The following STARD13 variants were observed in gnomAD, a reference collection of about 807,000 sequenced individuals.
STARD13 encodes StAR related lipid transfer domain containing 13.
Under a neutral mutation model 106.4 loss-of-function variants are expected in STARD13, and 62 were observed. That is an observed-to-expected ratio of 0.58 (90% CI 0.48 to 0.72). The LOEUF is 0.72. Ranked by LOEUF, STARD13 falls within the 30% of genes least tolerant of loss-of-function variation. STARD13 has a pLI of 0.00. For synonymous variants in STARD13, 565 were observed against 553.0 expected (o/e 1.02, Z -0.31); for missense variants, 1,387 against 1,424.0 (o/e 0.97, Z 0.42).
chr13:33,565,903 C>T, the STARD13 span, among the ~76,000 whole-genome samples: 2 of 148,524 alleles, frequency 1.3e-5, 1 homozygote, highest in Non-Finnish European at 3.0e-5. Flanking sequence ...TTACTTTCTC[C>T]TTTATGCTTT....
chr13:33,459,136 C>A, the STARD13 span, among the ~76,000 whole-genome samples: 2 of 152,074 alleles, frequency 1.3e-5, no homozygotes, highest in Non-Finnish European at 2.9e-5. Context: ...ATATAGTGTA[C>A]AATTTGATAA....
At chr13:33,533,483 A>G in the STARD13 span, among the ~76,000 whole-genome samples, 2 of 152,224 alleles carry the variant, frequency 1.3e-5, no homozygotes, top group Admixed American at 1.3e-4. Flanking sequence ...TATGGCACCC[A>G]CCTGATAAAT....
intron 7 of STARD13, among the ~76,000 whole-genome samples, chr13:33,125,404 G>GT (rs1318918805): frequency 2.0e-5 from 3 of 152,000 alleles, no homozygotes; most frequent in Non-Finnish European, 1.5e-5. Context: ...CAAAGCCTTT[G>GT]TTTTGTAAAG....
the STARD13 span, among the ~76,000 whole-genome samples, chr13:33,451,354 C>T: frequency 6.6e-6 from 1 of 151,954 alleles, no homozygotes; most frequent in East Asian, 1.9e-4. Context: ...AATCTAGAAG[C>T]AACATGAGGG....
the STARD13 span, among the ~76,000 whole-genome samples, chr13:33,585,235 T>G: frequency 2.6e-5 from 4 of 152,168 alleles, no homozygotes; most frequent in African/African-American, 9.7e-5. Context: ...CTCAAAAAAT[T>G]ACAGATAGAA....
chr13:33,431,921 T>A, the STARD13 span, among the ~76,000 whole-genome samples: 1 of 152,118 alleles, frequency 6.6e-6, no homozygotes, highest in Non-Finnish European at 1.5e-5. Context: ...TTACAAAGTA[T>A]CTTGTGACTG....
At chr13:33,296,223 C>T (rs1396904352) in intron 1 of STARD13, among the ~76,000 whole-genome samples, 1 of 38,328 alleles carries the variant, frequency 2.6e-5, no homozygotes, top group African/African-American at 7.1e-5. Flanking sequence ...AGCAAGACTT[C>T]ATCTCAAAAA....
the STARD13 span, among the ~76,000 whole-genome samples, chr13:33,585,395 GA>G: frequency 6.6e-6 from 1 of 151,894 alleles, no homozygotes; most frequent in African/African-American, 2.4e-5. Flanking sequence ...ACAAATGAAT[GA>G]AAAAAAAGTA....
chr13:33,599,272 T>C, the STARD13 span, among the ~76,000 whole-genome samples: 1 of 152,204 alleles, frequency 6.6e-6, no homozygotes, highest in Non-Finnish European at 1.5e-5. Context: ...ATTATACTTA[T>C]AACACTGGAA....
intron 1 of STARD13, among the ~76,000 whole-genome samples, chr13:33,325,335 A>G (rs1391438166): frequency 6.6e-6 from 1 of 152,204 alleles, no homozygotes; most frequent in Non-Finnish European, 1.5e-5. Flanking sequence ...GGCCTTTCTC[A>G]GATACTCTGC....
chr13:33,509,502 T>C, the STARD13 span, among the ~76,000 whole-genome samples: 1 of 152,182 alleles, frequency 6.6e-6, no homozygotes, highest in Admixed American at 6.5e-5. Context: ...AAGCCATCCC[T>C]AGGAATTCCA....
chr13:33,240,098 A>T (rs1889393594), intron 1 of STARD13, among the ~76,000 whole-genome samples: 1 of 152,122 alleles, frequency 6.6e-6, no homozygotes, highest in Admixed American at 6.5e-5. Context: ...AACTTCATTC[A>T]CTGGTATGTA....
At position 33,121,104 on chromosome 13, in the gene STARD13, G is replaced by C. The variant is rs2138117357; in HGVS notation, c.2083-2841C>G. On this transcript the variant is annotated intron_variant, in intron 7 of 13. Transcript: ENST00000336934. The stretch of plus-strand genomic sequence containing the variant: ...AATTTCCTGTCATTTAAGCCATTTT[G>C]GGATGGGGCTTCTAGTGGTTGCTGT... 1.3e-5 allele frequency among the ~76,000 whole-genome samples: 2 copies of C among 152,286 alleles called. 1 individual carries two copies. The highest frequency in any genetic ancestry group is 4.1e-4 in the South Asian group (2 of 4,820).
At chr13:33,396,223 T>C in the STARD13 span, among the ~76,000 whole-genome samples, 1 of 152,166 alleles carries the variant, frequency 6.6e-6, no homozygotes, top group African/African-American at 2.4e-5. Flanking sequence ...TTTGAACTCC[T>C]GGGCTTAAGT....
intron 1 of STARD13, among the ~76,000 whole-genome samples, 180 bp from the exon 2 acceptor site, chr13:33,167,802 A>G (rs923028845): frequency 6.6e-6 from 1 of 152,180 alleles, no homozygotes; most frequent in African/African-American, 2.4e-5. Context: ...GGTAATACAA[A>G]GGTCCTTGTT....
At chr13:33,307,211 A>G (rs1323842670) in intron 1 of STARD13, among the ~76,000 whole-genome samples, 1 of 152,196 alleles carries the variant, frequency 6.6e-6, no homozygotes, top group East Asian at 1.9e-4. Flanking sequence ...GTCGGTGGGG[A>G]TGCAAATTAG....
At chr13:33,205,230 T>G (rs1566072860) in intron 1 of STARD13, among the ~76,000 whole-genome samples, 1 of 152,250 alleles carries the variant, frequency 6.6e-6, no homozygotes, top group Non-Finnish European at 1.5e-5. Context: ...TGGTAGCTTA[T>G]GTTCTGAAAG....
At chr13:33,619,207 T>G in the STARD13 span, among the ~76,000 whole-genome samples, 10 of 152,080 alleles carry the variant, frequency 6.6e-5, no homozygotes, top group Non-Finnish European at 1.2e-4. Flanking sequence ...AAGACAAAAC[T>G]GTACTCAAAC....
downstream of STARD13, among the ~76,000 whole-genome samples, chr13:33,346,844 G>A (rs2078022896): frequency 6.6e-6 from 1 of 151,416 alleles, no homozygotes; most frequent in Non-Finnish European, 1.5e-5. Context: ...TCACTATGTT[G>A]GCCAGGCTGT....
Sources: gnomAD v4.1 joint callset for allele counts (sites outside exome capture counted in the v4.1 genomes callset) on GRCh38, gnomAD v4.1.1 for gene constraint, MANE v1.5 for transcripts, NCBI Gene and HGNC (gene_info 2026-07-23, HGNC 2026-07-21) for gene names.